Variants in GRID2 observed in about 807,000 individuals in gnomAD.
GRID2 encodes the protein glutamate ionotropic receptor delta type subunit 2, also known as glutamate receptor ionotropic, delta-2.
A neutral mutation model predicts 114.8 loss-of-function variants in GRID2; 33 were observed. The observed-to-expected ratio is 0.29, with a 90% CI of 0.22 to 0.38. The LOEUF (loss-of-function observed/expected upper bound fraction) is 0.38. Among genes scored for constraint, GRID2 ranks in the 10% least tolerant of loss-of-function variants. The pLI, the probability that GRID2 is intolerant of heterozygous loss-of-function variation, is 1.00. For missense variants in GRID2, 1,184 were observed against 1,257.7 expected (o/e 0.94, Z 0.89); for synonymous variants, 505 against 449.9 (o/e 1.12, Z -1.55).
intron 2 of GRID2, among the ~76,000 whole-genome samples, chr4:92,673,776 G>A (rs1733190925): frequency 6.6e-6 from 1 of 151,910 alleles, no homozygotes; most frequent in Non-Finnish European, 1.5e-5. Flanking sequence ...TGAACAATGA[G>A]AACACTTGGA....
At chr4:93,221,115 T>C (rs1487594854) in intron 6 of GRID2, among the ~76,000 whole-genome samples, 1 of 152,206 alleles carries the variant, frequency 6.6e-6, no homozygotes, top group African/African-American at 2.4e-5. Flanking sequence ...TATTTTAATA[T>C]AATCGTGGTC....
At chr4:93,672,830 G>C (rs1435504384) in intron 14 of GRID2, among the ~76,000 whole-genome samples, 2 of 151,996 alleles carry the variant, frequency 1.3e-5, no homozygotes, top group Admixed American at 1.3e-4. Context: ...ACATCAGTTT[G>C]GAAAATAAAA....
At chr4:93,553,909 A>G (rs974444804) in intron 13 of GRID2, among the ~76,000 whole-genome samples, 1 of 152,180 alleles carries the variant, frequency 6.6e-6, no homozygotes, top group Non-Finnish European at 1.5e-5. Context: ...ACTGTAGATT[A>G]TAGTTATTAT....
chr4:92,800,375 C>G (rs769080585), intron 2 of GRID2, among the ~76,000 whole-genome samples: 3 of 151,736 alleles, frequency 2.0e-5, no homozygotes, highest in East Asian at 2.0e-4. Context: ...AAGAGGTAGC[C>G]TTGGGATAAG....
At chr4:92,478,865 G>A (rs1164382483) in intron 1 of GRID2, among the ~76,000 whole-genome samples, 1 of 151,996 alleles carries the variant, frequency 6.6e-6, no homozygotes, top group Non-Finnish European at 1.5e-5. Flanking sequence ...TTGCTAATAA[G>A]GTAATTCTGG....
intron 14 of GRID2, among the ~76,000 whole-genome samples, chr4:93,687,060 G>C (rs1454150744): frequency 6.6e-6 from 1 of 152,004 alleles, no homozygotes; most frequent in African/African-American, 2.4e-5. Flanking sequence ...CTGTTATCTT[G>C]GACATGAGTG....
chr4:92,937,699 T>A (rs1359034858), intron 2 of GRID2, among the ~76,000 whole-genome samples: 1 of 146,920 alleles, frequency 6.8e-6, no homozygotes, highest in Non-Finnish European at 1.5e-5. Context: ...CCACTGGATT[T>A]TAGGATCAGC....
Position 92,653,247 on chromosome 4 carries a change from G to T in GRID2, c.244+62961G>T, listed in dbSNP as rs988964771. 8.5e-4 allele frequency among the ~76,000 whole-genome samples: 127 copies of T among 149,866 alleles called. 1 individual carries two copies. The highest frequency in any genetic ancestry group is 3.0e-3 in the African/African-American group (122 of 40,920). On this transcript the variant is annotated intron_variant, in intron 2 of 15. Transcript: ENST00000282020. ...ACTCCTGATCTCGTGATCCAGCCCC[G>T]CTCGGCCTCCCAAAGTGCTAGGATT...
intron 13 of GRID2, among the ~76,000 whole-genome samples, chr4:93,537,311 T>C (rs1359415814): frequency 6.6e-6 from 1 of 151,780 alleles, no homozygotes; most frequent in Admixed American, 6.6e-5. Context: ...TCCTATTTTC[T>C]GCCTTGAATT....
intron 2 of GRID2, among the ~76,000 whole-genome samples, chr4:92,989,738 T>G (rs1754750396): frequency 1.3e-5 from 2 of 152,266 alleles, no homozygotes; most frequent in South Asian, 4.1e-4. Flanking sequence ...TATTAACCTG[T>G]TAACAATTGA....
At chr4:92,921,958 A>G (rs886528168) in intron 2 of GRID2, among the ~76,000 whole-genome samples, 1 of 152,168 alleles carries the variant, frequency 6.6e-6, no homozygotes, top group Non-Finnish European at 1.5e-5. Context: ...GAGTCTACAG[A>G]GGCAGGCCGG....
intron 2 of GRID2, among the ~76,000 whole-genome samples, chr4:92,750,147 C>G (rs918057692): frequency 6.6e-6 from 1 of 152,178 alleles, no homozygotes; most frequent in Non-Finnish European, 1.5e-5. Flanking sequence ...AGATATGAGC[C>G]ACCGCACCTG....
chr4:93,014,517 G>A (rs1722491369), intron 2 of GRID2, among the ~76,000 whole-genome samples: 1 of 151,976 alleles, frequency 6.6e-6, no homozygotes, highest in African/African-American at 2.4e-5. Flanking sequence ...GACAATCCAG[G>A]CCCCCACAGA....
intron 9 of GRID2, among the ~76,000 whole-genome samples, chr4:93,420,817 G>T (rs946302660): frequency 4.6e-5 from 7 of 151,764 alleles, no homozygotes; most frequent in Non-Finnish European, 8.8e-5. Flanking sequence ...GCAATGGTGT[G>T]ATCTTGGCTC....
chr4:93,581,564 T>C (rs1736985583), intron 13 of GRID2, among the ~76,000 whole-genome samples: 1 of 152,190 alleles, frequency 6.6e-6, no homozygotes, highest in African/African-American at 2.4e-5. Flanking sequence ...TCTTATAGCT[T>C]GTTTAAACTA....
chr4:92,534,265 T>G (rs868621226), intron 1 of GRID2, among the ~76,000 whole-genome samples: 2 of 152,270 alleles, frequency 1.3e-5, no homozygotes, highest in Middle Eastern at 3.4e-3. Context: ...TACATTTACA[T>G]ATTTAACAGG....
intron 1 of GRID2, among the ~76,000 whole-genome samples, chr4:92,494,786 A>T (rs192079284): frequency 6.6e-6 from 1 of 152,170 alleles, no homozygotes; most frequent in Admixed American, 6.5e-5. Flanking sequence ...AAAAGGGGCT[A>T]TGTACACAGT....
At chr4:92,605,079 A>G (rs1729390293) in intron 2 of GRID2, among the ~76,000 whole-genome samples, 1 of 152,010 alleles carries the variant, frequency 6.6e-6, no homozygotes, top group Non-Finnish European at 1.5e-5. Context: ...ACCTTCTGCT[A>G]TGATTGTAAG....
At chr4:93,059,383 T>G (rs1164725326) in intron 2 of GRID2, among the ~76,000 whole-genome samples, 1 of 152,096 alleles carries the variant, frequency 6.6e-6, no homozygotes, top group Non-Finnish European at 1.5e-5. Context: ...GACTGGATGC[T>G]TCTTTGTTGT....
Sources: gnomAD v4.1 joint callset for allele counts (sites outside exome capture counted in the v4.1 genomes callset) on GRCh38, gnomAD v4.1.1 for gene constraint, MANE v1.5 for transcripts, NCBI Gene and HGNC (gene_info 2026-07-23, HGNC 2026-07-21) for gene names.